The following WDR72 variants were observed in gnomAD, a reference collection of about 807,000 sequenced individuals.
The protein encoded by WDR72 is WD repeat domain 72, also known as WD repeat-containing protein 72.
A neutral mutation model predicts 124.2 loss-of-function variants in WDR72; 120 were observed. That is an observed-to-expected ratio of 0.97 (90% CI 0.83 to 1.12). The LOEUF is 1.12. Ranked by LOEUF, WDR72 falls within the 50% of genes most tolerant of loss-of-function variation. The pLI is 0.00. For missense variants in WDR72, 1,387 were observed against 1,278.8 expected (o/e 1.08, Z -1.29); for synonymous variants, 452 against 441.7 (o/e 1.02, Z -0.29).
At chr15:53,751,400 A>G (rs1307181403) in intron 1 of WDR72, among the ~76,000 whole-genome samples, 1 of 152,212 alleles carries the variant, frequency 6.6e-6, no homozygotes, top group Non-Finnish European at 1.5e-5. Flanking sequence ...CTCCTCCAGC[A>G]AAAAGTACAA....
At chr15:53,580,177 C>T (rs1363790322) in intron 18 of WDR72, among the ~76,000 whole-genome samples, 3 of 152,084 alleles carry the variant, frequency 2.0e-5, no homozygotes, top group Non-Finnish European at 4.4e-5. Flanking sequence ...TATTTTAGGA[C>T]TCCCATATTC....
intron 1 of WDR72, among the ~76,000 whole-genome samples, chr15:53,748,330 A>G (rs570696140): frequency 2.6e-5 from 4 of 152,328 alleles, no homozygotes; most frequent in African/African-American, 9.6e-5. Flanking sequence ...TCTTTAAATT[A>G]ACTTGCCTTA....
chr15:53,658,136 G>T (rs1436522890), intron 14 of WDR72, among the ~76,000 whole-genome samples: 1 of 152,084 alleles, frequency 6.6e-6, no homozygotes, highest in East Asian at 1.9e-4. Flanking sequence ...GCCAAAACTA[G>T]AAATGATTTA....
chr15:53,720,557 T>G (rs1315118530), intron 3 of WDR72, among the ~76,000 whole-genome samples: 1 of 152,170 alleles, frequency 6.6e-6, no homozygotes, highest in East Asian at 1.9e-4. Context: ...TGTCTGAAGG[T>G]TTATTATTTT....
At chr15:53,635,705 A>T (rs2014597657) in intron 14 of WDR72, among the ~76,000 whole-genome samples, 1 of 152,042 alleles carries the variant, frequency 6.6e-6, no homozygotes. Flanking sequence ...ATGGAGGGAG[A>T]TGGGGAAGGG....
In WDR72 at chr15:53,553,480, T is replaced by C. The variant is rs149932284; in HGVS notation, c.3149-30158A>G. On this transcript the variant is annotated intron_variant, in intron 18 of 19. Transcript: ENST00000360509. ...AGTGATATTTATAGAAATATTTCTA[T>C]TGTGGCTTTTAAGGAGACTCTTTCC... Among the ~76,000 whole-genome samples, 500 of 152,284 alleles carry C rather than the reference T, an allele frequency of 3.3e-3. 1 individual carries two copies. Among genetic ancestry groups the C allele is most frequent in the African/African-American group, 0.011 (474 of 41,558 alleles).
chr15:53,629,869 C>A (rs972717824), intron 14 of WDR72, among the ~76,000 whole-genome samples: 1 of 152,150 alleles, frequency 6.6e-6, no homozygotes, highest in Non-Finnish European at 1.5e-5. Flanking sequence ...CTCAAAAATC[C>A]GCATCCCCAC....
chr15:53,533,295 T>C (rs965989888), intron 18 of WDR72, among the ~76,000 whole-genome samples: 2 of 152,130 alleles, frequency 1.3e-5, no homozygotes, highest in African/African-American at 4.8e-5. Context: ...AAAGTAAATC[T>C]GAAGAAGAGT....
At chr15:53,711,177 A>G in intron 8 of WDR72, 159 bp downstream of exon 8, 1 of 1,068,120 alleles carries the variant, frequency 9.4e-7, no homozygotes, top group Non-Finnish European at 1.4e-6. Context: ...TTTTGTACAA[A>G]GGCTGAAGCC....
intron 14 of WDR72, among the ~76,000 whole-genome samples, chr15:53,647,954 G>A (rs2015101347): frequency 6.6e-6 from 1 of 152,034 alleles, no homozygotes; most frequent in African/African-American, 2.4e-5. Context: ...ACTACTCCTA[G>A]TCCAGTGCTC....
At chr15:53,694,129 G>GC (rs1397901258) in intron 13 of WDR72, among the ~76,000 whole-genome samples, 6 of 152,164 alleles carry the variant, frequency 3.9e-5, no homozygotes, top group African/African-American at 1.4e-4. Context: ...TCCTCCTGGA[G>GC]CCCAGCAGTA....
chr15:53,525,776 G>C (rs1031915524), intron 18 of WDR72, among the ~76,000 whole-genome samples: 2 of 151,984 alleles, frequency 1.3e-5, no homozygotes, highest in Non-Finnish European at 2.9e-5. Context: ...AATAAAGATG[G>C]TTATTCTTCA....
Position 53,675,177 on chromosome 15 carries a change from T to C in WDR72, c.1766-9409A>G, listed in dbSNP as rs545425350. On this transcript the variant is annotated intron_variant, in intron 13 of 19. Transcript: ENST00000360509. ...GGCCAACATGGTGAAACCCCATCTC[T>C]ACTAAAATACACAAAATTAGCCGGG... 1.1e-4 allele frequency among the ~76,000 whole-genome samples: 16 copies of C among 152,168 alleles called. No homozygotes were observed. The South Asian group carries it at 3.1e-3, about 30-fold the overall frequency.
In WDR72 at chr15:53,711,331, C is replaced by A; in HGVS notation, c.857+5G>T. On this transcript the variant is annotated splice_donor_5th_base_variant and intron_variant, in intron 8 of 19. Coordinates refer to ENST00000360509, the MANE Select transcript of WDR72 (RefSeq NM_182758.4). ...GTTTTGTATGCCGCTCCCATCTGAG[C>A]CCACCTGTTCAGCAGCTGATAGATG... 1 of 1,614,128 alleles carries A rather than the reference C, an allele frequency of 6.2e-7. No individual in the cohort carries two copies. Among genetic ancestry groups the A allele is most frequent in the Non-Finnish European group, 8.5e-7 (1 of 1,180,040 alleles).
At position 53,584,228 on chromosome 15, in the gene WDR72, G is replaced by A. The variant is rs377687748; in HGVS notation, c.3148+12851C>T. On this transcript the variant is annotated intron_variant, in intron 18 of 19. Coordinates refer to ENST00000360509, the MANE Select transcript of WDR72 (RefSeq NM_182758.4). ...ACAAATTGGAAAAGATTTAAAAACT[G>A]ATTCAAAGAGGATGGGTGATTGAGA... 1.1e-4 allele frequency among the ~76,000 whole-genome samples: 16 copies of A among 152,060 alleles called. No homozygotes were observed. In the East Asian group the frequency reaches 2.5e-3, roughly 24 times the overall value.
At chr15:53,532,263 C>A (rs1367114322) in intron 18 of WDR72, among the ~76,000 whole-genome samples, 4 of 152,066 alleles carry the variant, frequency 2.6e-5, no homozygotes, top group Non-Finnish European at 5.9e-5. Context: ...AATAGAACTA[C>A]CATATAATCC....
chr15:53,699,652 T>G, intron 13 of WDR72, 98 bp downstream of exon 13: 5 of 1,314,348 alleles, frequency 3.8e-6, no homozygotes, highest in Non-Finnish European at 5.4e-6. Flanking sequence ...TTAAAGCAAG[T>G]GAGGTCATCA....
chr15:53,515,740 CAG>C lies in WDR72; in HGVS notation c.*1957_*1958del, dbSNP rs1891425634. 6.6e-6 allele frequency: 1 copy of C among 152,044 alleles called. No individual in the cohort carries two copies. The highest frequency in any genetic ancestry group is 6.6e-5 in the Admixed American group (1 of 15,252). 9.4% of individuals were successfully genotyped at this position (152,044 alleles called of 1,614,324 possible). On this transcript the variant is annotated 3_prime_UTR_variant, in exon 20 of 20. Coordinates refer to ENST00000360509, the MANE Select transcript of WDR72 (RefSeq NM_182758.4). ...GCTAGTAACATCAGAAAATATTTAT[CAG>C]AGATTCAATATTGGTTTCATTAGAA...
At position 53,513,777 on chromosome 15, in the gene WDR72, AT is replaced by A. The variant is rs1389309748; in HGVS notation, c.*3921del. Reference sequence around the variant, plus strand: ...ATATTTTAATACAATATTTATAAAAATTAAATTACTGCAAAAACTCCACAAC... The same window carrying A: ...ATATTTTAATACAATATTTATAAAAATAAATTACTGCAAAAACTCCACAAC... On this transcript the variant is annotated 3_prime_UTR_variant, in exon 20 of 20. Transcript: ENST00000360509. The A allele has an allele frequency of 2.0e-5, 3 of 152,158 alleles. No individual in the cohort carries two copies. Among genetic ancestry groups the A allele is most frequent in the Non-Finnish European group, 4.4e-5 (3 of 68,026 alleles). 9.4% of individuals were successfully genotyped at this position (152,158 alleles called of 1,614,324 possible).
Sources: gnomAD v4.1 joint callset for allele counts (sites outside exome capture counted in the v4.1 genomes callset) on GRCh38, gnomAD v4.1.1 for gene constraint, MANE v1.5 for transcripts, NCBI Gene and HGNC (gene_info 2026-07-23, HGNC 2026-07-21) for gene names.